Variants in NRXN3 observed in about 807,000 individuals in gnomAD.
The protein encoded by NRXN3 is neurexin 3.
In NRXN3, 32 loss-of-function variants were observed where a neutral mutation model predicts 137.6. That is an observed-to-expected ratio of 0.23 (90% CI 0.18 to 0.31). NRXN3 has a LOEUF of 0.31. Among genes scored for constraint, NRXN3 ranks in the 10% least tolerant of loss-of-function variants. The pLI is 1.00. For synonymous variants in NRXN3, 798 were observed against 784.5 expected, an observed-to-expected ratio of 1.02 and a Z score of -0.29; for missense variants, 1,574 against 2,062.5, an observed-to-expected ratio of 0.76 and a Z score of 4.59.
rs1596083503 is a variant in NRXN3, at chr14:78,810,340, C to T, written c.2271C>T (p.Asn757=). ...VNLDCIRINC[N]SSKGPETLYA... The stretch of plus-strand genomic sequence containing the variant: ...TAGACTGTATCAGGATAAACTGTAA[C>T]TCCAGTAAGTTTTCCCTCAAGTTTC... The change falls in exon 10 of 21, where the codon AAC becomes AAT. Residue 757 remains asparagine (N), a synonymous_variant. Coordinates refer to ENST00000335750, the MANE Select transcript of NRXN3 (RefSeq NM_001330195.2). 6.8e-7 allele frequency: 1 copy of T among 1,463,794 alleles called. No homozygotes were observed. The highest frequency in any genetic ancestry group is 1.8e-4 in the Middle Eastern group (1 of 5,708). The allele number at this position is 1,463,794 out of a possible 1,614,324, so 90.7% of individuals were successfully genotyped here.
chr14:79,464,150 A>T (rs1476576695), intron 15 of NRXN3, among the ~76,000 whole-genome samples: 1 of 152,164 alleles, frequency 6.6e-6, no homozygotes, highest in Non-Finnish European at 1.5e-5. Context: ...ACAGTATTGG[A>T]CTATGGGAGC....
chr14:79,715,643 C>G (rs896392344), intron 19 of NRXN3, among the ~76,000 whole-genome samples: 14 of 152,048 alleles, frequency 9.2e-5, no homozygotes, highest in Admixed American at 6.5e-4. Context: ...TGCCTGTCTT[C>G]ATGGTACTTA....
At chr14:78,770,661 CAG>C (rs1411900581) in intron 8 of NRXN3, among the ~76,000 whole-genome samples, 1 of 152,004 alleles carries the variant, frequency 6.6e-6, no homozygotes, top group Non-Finnish European at 1.5e-5. Context: ...AATTAGTGAC[CAG>C]GTTAAAAAAT....
intron 15 of NRXN3, among the ~76,000 whole-genome samples, chr14:79,351,879 A>G (rs1020120929): frequency 6.6e-6 from 1 of 152,210 alleles, no homozygotes; most frequent in Non-Finnish European, 1.5e-5. Flanking sequence ...ATCAAACAGT[A>G]TATCATCTAT....
At chr14:78,504,452 G>T (rs2095942009) in intron 4 of NRXN3, among the ~76,000 whole-genome samples, 1 of 152,092 alleles carries the variant, frequency 6.6e-6, no homozygotes, top group African/African-American at 2.4e-5. Context: ...GGAAGAAAGA[G>T]AATTTTCTTT....
chr14:79,503,336 A>G (rs1027247535), intron 16 of NRXN3, among the ~76,000 whole-genome samples: 1 of 152,106 alleles, frequency 6.6e-6, no homozygotes, highest in East Asian at 1.9e-4. Flanking sequence ...ACACAGCATA[A>G]ATAGAATTTA....
At chr14:78,479,712 A>C (rs1041445626) in intron 4 of NRXN3, among the ~76,000 whole-genome samples, 1 of 152,206 alleles carries the variant, frequency 6.6e-6, no homozygotes, top group Non-Finnish European at 1.5e-5. Flanking sequence ...CTTGCTCCAA[A>C]TATTATTTTA....
intron 19 of NRXN3, among the ~76,000 whole-genome samples, chr14:79,754,358 A>G (rs534632244): frequency 7.9e-5 from 12 of 151,536 alleles, no homozygotes; most frequent in African/African-American, 2.9e-4. Flanking sequence ...ACATAAATAA[A>G]TAAAGTACAG....
chr14:78,415,688 C>T (rs2093095697), intron 4 of NRXN3, among the ~76,000 whole-genome samples: 1 of 152,048 alleles, frequency 6.6e-6, no homozygotes. Flanking sequence ...TATGTCGAAG[C>T]CCTTATCCCC....
chr14:79,156,065 C>A (rs554607298), intron 15 of NRXN3, among the ~76,000 whole-genome samples: 1 of 151,718 alleles, frequency 6.6e-6, no homozygotes, highest in Non-Finnish European at 1.5e-5. Context: ...TTCTTTAAAC[C>A]AAAGTTTCCA....
At chr14:79,091,602 G>A (rs2049208380) in intron 15 of NRXN3, among the ~76,000 whole-genome samples, 1 of 152,090 alleles carries the variant, frequency 6.6e-6, no homozygotes, top group South Asian at 2.1e-4. Flanking sequence ...TACATAATCA[G>A]GGGCTTTCTG....
At chr14:79,487,547 A>G (rs1372765047) in intron 16 of NRXN3, among the ~76,000 whole-genome samples, 1 of 152,148 alleles carries the variant, frequency 6.6e-6, no homozygotes, top group African/African-American at 2.4e-5. Context: ...CACAGATTCC[A>G]TGGTTTCCTT....
At chr14:79,174,017 G>A (rs915654665) in intron 15 of NRXN3, among the ~76,000 whole-genome samples, 6 of 152,154 alleles carry the variant, frequency 3.9e-5, no homozygotes, top group African/African-American at 1.4e-4. Flanking sequence ...CAGTTGCAAG[G>A]ACAACTGGTT....
chr14:79,555,410 G>C (rs2097419692), intron 16 of NRXN3, among the ~76,000 whole-genome samples: 1 of 152,158 alleles, frequency 6.6e-6, no homozygotes, highest in Non-Finnish European at 1.5e-5. Context: ...CATTTGCTGA[G>C]AGTGTATGTG....
chr14:79,382,477 T>A (rs147500142), intron 15 of NRXN3, among the ~76,000 whole-genome samples: 47 of 152,218 alleles, frequency 3.1e-4, no homozygotes, highest in African/African-American at 1.1e-3. Context: ...GGGAACATGA[T>A]GTTCTGTCAG....
At chr14:78,347,148 A>T (rs574715890) in intron 4 of NRXN3, among the ~76,000 whole-genome samples, 29 of 152,344 alleles carry the variant, frequency 1.9e-4, no homozygotes, top group Middle Eastern at 3.4e-3. Flanking sequence ...AATCCCGGCG[A>T]CAAATGCGGA....
At chr14:79,327,750 TATTAG>T (rs1202884406) in intron 15 of NRXN3, among the ~76,000 whole-genome samples, 1 of 152,226 alleles carries the variant, frequency 6.6e-6, no homozygotes, top group Non-Finnish European at 1.5e-5. Context: ...TTTTGGTCCT[TATTAG>T]ATTATATATA....
chr14:78,310,082 A>G (rs2153541882), intron 4 of NRXN3, among the ~76,000 whole-genome samples: 1 of 152,200 alleles, frequency 6.6e-6, no homozygotes, highest in African/African-American at 2.4e-5. Flanking sequence ...GAGCATAAAC[A>G]ATACTTCTGA....
intron 4 of NRXN3, among the ~76,000 whole-genome samples, chr14:78,404,958 G>C (rs1269934331): frequency 6.6e-6 from 1 of 152,166 alleles, no homozygotes; most frequent in African/African-American, 2.4e-5. Flanking sequence ...TGTTTCACTT[G>C]ATTCCAGAAG....
Sources: allele counts gnomAD v4.1 joint callset (sites outside exome capture counted in the v4.1 genomes callset), GRCh38; gene constraint gnomAD v4.1.1; transcripts MANE v1.5; gene names NCBI Gene and HGNC (gene_info 2026-07-23, HGNC 2026-07-21).